Variants in FRMD5 observed in about 807,000 individuals in gnomAD.
FRMD5 encodes FERM domain containing 5.
In FRMD5, 20 loss-of-function variants were observed where a neutral mutation model predicts 69.0. The ratio of observed to expected loss-of-function variants is 0.29; its 90% CI spans 0.20 to 0.42. The LOEUF is 0.42. Among genes scored for constraint, FRMD5 ranks in the 10% least tolerant of loss-of-function variants. The pLI, the probability that FRMD5 is intolerant of heterozygous loss-of-function variation, is 1.00. For missense variants in FRMD5, 595 were observed against 708.6 expected, an observed-to-expected ratio of 0.84 and a Z score of 1.82; for synonymous variants, 271 against 260.1, an observed-to-expected ratio of 1.04 and a Z score of -0.40.
chr15:43,947,322 T>C (rs545195150), intron 1 of FRMD5, among the ~76,000 whole-genome samples: 1 of 152,318 alleles, frequency 6.6e-6, no homozygotes, highest in South Asian at 2.1e-4. Context: ...TGCATGGCTA[T>C]ACAATTTCCA....
intron 8 of FRMD5, among the ~76,000 whole-genome samples, chr15:43,890,008 C>T (rs1043578676): frequency 2.6e-5 from 4 of 152,212 alleles, no homozygotes; most frequent in Non-Finnish European, 5.9e-5. Context: ...ATCACTTGTT[C>T]TCCATGCTCC....
At chr15:44,192,592 T>TAC (rs201289376) in intron 1 of FRMD5, among the ~76,000 whole-genome samples, 1 of 152,128 alleles carries the variant, frequency 6.6e-6, no homozygotes, top group Non-Finnish European at 1.5e-5. Context: ...CATGCACATA[T>TAC]ACACACACAC....
intron 1 of FRMD5, among the ~76,000 whole-genome samples, chr15:44,171,386 T>A (rs1490299406): frequency 2.0e-5 from 3 of 152,236 alleles, no homozygotes; most frequent in Admixed American, 6.5e-5. Context: ...TAGTTATGAA[T>A]CTTTCTCGTC....
chr15:44,110,524 A>C (rs969755018), intron 1 of FRMD5, among the ~76,000 whole-genome samples: 3 of 152,250 alleles, frequency 2.0e-5, no homozygotes, highest in Non-Finnish European at 2.9e-5. Flanking sequence ...TCACAACTGC[A>C]GTACAGACAG....
chr15:44,031,132 T>C (rs1308970806), intron 1 of FRMD5, among the ~76,000 whole-genome samples: 3 of 152,212 alleles, frequency 2.0e-5, no homozygotes, highest in Non-Finnish European at 2.9e-5. Flanking sequence ...GGATGGGTGC[T>C]GCACACTCAG....
intron 1 of FRMD5, among the ~76,000 whole-genome samples, chr15:44,188,061 G>A (rs557300558): frequency 2.6e-5 from 4 of 152,242 alleles, no homozygotes; most frequent in African/African-American, 9.6e-5. Context: ...TCCCTAAGTT[G>A]TAAGCCCTTC....
intron 1 of FRMD5, among the ~76,000 whole-genome samples, chr15:43,984,919 G>A (rs1423273178): frequency 2.0e-5 from 3 of 151,764 alleles, no homozygotes; most frequent in Non-Finnish European, 4.4e-5. Context: ...GGGAGGTGGA[G>A]GTTGCAGTGA....
Position 43,883,760 on chromosome 15 carries a change from T to C in FRMD5, c.1078A>G (p.Arg360Gly). ...CGGGTCCTGGGGACGCTGCTCAGCC[T>C]TGGGCCATGGGTTATGGAGGGACAG... ...RSCPSITHGP[R>G]LSSVPRTRRR... Residue 360 changes from arginine to glycine, a missense_variant, in exon 13 of 14, where the codon AGG becomes GGG. By Grantham distance (125) the Arg-to-Gly change is moderately radical (BLOSUM62 -2). Around this residue, in one of 5 missense-constraint regions of FRMD5, gnomAD observed 176 missense variants for 266.3 expected, o/e 0.66. Coordinates refer to ENST00000417257, the MANE Select transcript of FRMD5 (RefSeq NM_032892.5). The C allele has an allele frequency of 6.2e-7, 1 of 1,614,066 alleles. No individual in the cohort carries two copies. Among genetic ancestry groups the C allele is most frequent in the South Asian group, 1.1e-5 (1 of 91,082 alleles).
At chr15:44,098,683 T>C (rs1397049158) in intron 1 of FRMD5, among the ~76,000 whole-genome samples, 2 of 152,196 alleles carry the variant, frequency 1.3e-5, no homozygotes, top group East Asian at 1.9e-4. Context: ...TTGTCACTTC[T>C]GATGCCTCTT....
chr15:44,085,532 G>A (rs1322741055), intron 1 of FRMD5, among the ~76,000 whole-genome samples: 2 of 152,194 alleles, frequency 1.3e-5, no homozygotes, highest in East Asian at 1.9e-4. Flanking sequence ...TGGCAGCCCT[G>A]TGGGTGGTTA....
chr15:44,061,263 A>G (rs1893078225), intron 1 of FRMD5, among the ~76,000 whole-genome samples: 1 of 152,324 alleles, frequency 6.6e-6, no homozygotes, highest in South Asian at 2.1e-4. Context: ...ATAGTTACTT[A>G]ACTCTGACTC....
rs2140596068 is a variant in FRMD5, at chr15:44,112,603, A to ACCTT, written c.102+82349_102+82350insAAGG. ...TGCCTCAGCCTCCGGAGTAGCTGGG[A>ACCTT]CTACAGGCGCCCGCCACCATGCCCT... On this transcript the variant is annotated intron_variant, in intron 1 of 13. Transcript: ENST00000417257. Among the ~76,000 whole-genome samples, 3 of 152,024 alleles carry ACCTT rather than the reference A, an allele frequency of 2.0e-5. No homozygotes were observed. The East Asian group carries it at 5.8e-4, about 30-fold the overall frequency.
chr15:44,081,119 G>A (rs772850409), intron 1 of FRMD5, among the ~76,000 whole-genome samples: 3 of 152,028 alleles, frequency 2.0e-5, no homozygotes, highest in Non-Finnish European at 4.4e-5. Context: ...ATGCAGGAAG[G>A]ATATTCCCTC....
chr15:43,975,966 C>T (rs1358663349), intron 1 of FRMD5, among the ~76,000 whole-genome samples: 1 of 151,418 alleles, frequency 6.6e-6, no homozygotes, highest in Admixed American at 6.6e-5. Flanking sequence ...AATAGACCCA[C>T]ACATGTTCAT....
chr15:43,955,529 G>A (rs146160760), intron 1 of FRMD5, among the ~76,000 whole-genome samples: 1 of 152,204 alleles, frequency 6.6e-6, no homozygotes, highest in South Asian at 2.1e-4. Flanking sequence ...CTGAAAGTGT[G>A]ATTTGTATGC....
At chr15:43,951,135 A>G (rs1049358193) in intron 1 of FRMD5, among the ~76,000 whole-genome samples, 3 of 152,120 alleles carry the variant, frequency 2.0e-5, no homozygotes, top group African/African-American at 7.2e-5. Flanking sequence ...TATACAATAA[A>G]TAGTGCCAGG....
At chr15:44,037,058 G>A (rs4923972) in intron 1 of FRMD5, among the ~76,000 whole-genome samples, 137,252 of 152,112 alleles carry the variant, frequency 0.9, 62,469 homozygotes, top group East Asian at 1. Flanking sequence ...ACATAGGTAT[G>A]CATGTGCCAC....
At chr15:44,052,873 C>G (rs1243101435) in intron 1 of FRMD5, among the ~76,000 whole-genome samples, 1 of 151,998 alleles carries the variant, frequency 6.6e-6, no homozygotes. Context: ...TGGGTAGTAT[C>G]CTAGGTGATG....
intron 1 of FRMD5, among the ~76,000 whole-genome samples, chr15:44,066,989 C>T (rs996285858): frequency 6.6e-6 from 1 of 151,926 alleles, no homozygotes; most frequent in Non-Finnish European, 1.5e-5. Context: ...ATTATTGATG[C>T]TAGTGGGGAG....
Sources: allele counts gnomAD v4.1 joint callset (sites outside exome capture counted in the v4.1 genomes callset), GRCh38; gene constraint gnomAD v4.1.1; regional missense constraint gnomAD v4.1.1; transcripts MANE v1.5; gene names NCBI Gene and HGNC (gene_info 2026-07-23, HGNC 2026-07-21).